The following DDX19A variants were observed in gnomAD, a reference collection of about 807,000 sequenced individuals.
DDX19A encodes ATP-dependent RNA helicase DDX19A.
A neutral mutation model predicts 60.6 loss-of-function variants in DDX19A; 12 were observed. The observed-to-expected ratio is 0.20, with a 90% CI of 0.13 to 0.32. The LOEUF is 0.32. DDX19A is among the 10% of genes least tolerant of loss of function. The pLI is 1.00. For synonymous variants in DDX19A, 206 were observed against 218.2 expected (o/e 0.94, Z 0.49); for missense variants, 337 against 600.6 (o/e 0.56, Z 4.59).
chr16:70,357,362 G>GTTTTTTTTTTTTTTTTTTTTTT (rs1248365917), intron 4 of DDX19A, among the ~76,000 whole-genome samples: 4 of 48,874 alleles, frequency 8.2e-5, no homozygotes, highest in South Asian at 7.7e-4. Context: ...TCTGTTTTTG[G>GTTTTTTTTTTTTTTTTTTTTTT]TTTGTTTTTT....
Position 70,373,277 on chromosome 16 carries a change from A to G in DDX19A, c.*1291A>G, listed in dbSNP as rs1567660481. On this transcript the variant is annotated 3_prime_UTR_variant, in exon 12 of 12. Coordinates refer to ENST00000302243, the MANE Select transcript of DDX19A (RefSeq NM_018332.5). ...ATAAATTGTAGCGTATGCACCATTC[A>G]TTATGCTAAGACATTTTAAAGTAAT... The G allele has an allele frequency of 6.6e-6, 1 of 152,150 alleles. No individual in the cohort carries two copies. Among genetic ancestry groups the G allele is most frequent in the Admixed American group, 6.6e-5 (1 of 15,258 alleles). 9.4% of individuals were successfully genotyped at this position (152,150 alleles called of 1,614,324 possible). A position where few individuals can be genotyped will look rare whatever the true frequency, so the allele number is the denominator to read the frequency against.
At chr16:70,367,845 C>T (rs1160654025) in intron 9 of DDX19A, among the ~76,000 whole-genome samples, 1 of 151,404 alleles carries the variant, frequency 6.6e-6, no homozygotes, top group Non-Finnish European at 1.5e-5. Flanking sequence ...CCCCTGCACT[C>T]CAGCCTGGGT....
chr16:70,371,303 AC>A (rs1285554601), intron 10 of DDX19A, 68 bp from the exon 11 acceptor site: 2 of 1,613,716 alleles, frequency 1.2e-6, no homozygotes, highest in African/African-American at 2.7e-5. Flanking sequence ...GCATTGACCT[AC>A]CTATGGATGA....
intron 4 of DDX19A, 140 bp from the exon 5 acceptor site, chr16:70,361,278 A>G (rs1183552925): frequency 1.2e-5 from 8 of 690,464 alleles, no homozygotes; most frequent in Non-Finnish European, 1.7e-5. Context: ...GGTTTTTGAC[A>G]GTGTTTTTTT....
At chr16:70,349,151 A>G (rs1963937800) in intron 1 of DDX19A, among the ~76,000 whole-genome samples, 1 of 152,212 alleles carries the variant, frequency 6.6e-6, no homozygotes, top group South Asian at 2.1e-4. Context: ...TAGTGGAGGA[A>G]AAAGGCTCAT....
chr16:70,372,010 C>T lies in DDX19A; in HGVS notation c.*24C>T. 6.2e-7 allele frequency: 1 copy of T among 1,614,004 alleles called. No individual in the cohort carries two copies. The highest frequency in any genetic ancestry group is 8.5e-7 in the Non-Finnish European group (1 of 1,179,858). The stretch of plus-strand genomic sequence containing the variant: ...GAGAAGCTCCACCAGCCACTGATGC[C>T]AGCCCTGGCACTGCCCCTGCACAGG... On this transcript the variant is annotated 3_prime_UTR_variant, in exon 12 of 12. Coordinates refer to ENST00000302243, the MANE Select transcript of DDX19A (RefSeq NM_018332.5).
At chr16:70,369,459 T>C (rs564627445) in intron 9 of DDX19A, among the ~76,000 whole-genome samples, 57 of 152,116 alleles carry the variant, frequency 3.7e-4, no homozygotes, top group African/African-American at 1.3e-3. Context: ...ATTACAGGCA[T>C]GAGCCACCGC....
chr16:70,346,930 G>A lies in DDX19A; in HGVS notation c.-62G>A, dbSNP rs746670593. ...ATTCTCGCGCCGGTGGCGAGGTTAG[G>A]GCCCGCGTTGCGACGTGGTGCAGCG... is the stretch of plus-strand genomic sequence containing the variant. On this transcript the variant is annotated 5_prime_UTR_variant, in exon 1 of 12. Transcript: ENST00000302243. The A allele has an allele frequency of 1.3e-6, 2 of 1,541,450 alleles. No individual in the cohort carries two copies. The highest frequency in any genetic ancestry group is 1.8e-6 in the Non-Finnish European group (2 of 1,132,224).
At chr16:70,349,499 C>T (rs1423811444) in intron 1 of DDX19A, among the ~76,000 whole-genome samples, 1 of 152,176 alleles carries the variant, frequency 6.6e-6, no homozygotes, top group East Asian at 1.9e-4. Flanking sequence ...CAGGTGACAG[C>T]CAAGGGCCAG....
At chr16:70,354,684 A>T (rs983082294) in intron 2 of DDX19A, among the ~76,000 whole-genome samples, 3 of 79,292 alleles carry the variant, frequency 3.8e-5, no homozygotes, top group South Asian at 6.7e-4. Context: ...AGTTCATGCC[A>T]GTAATCCTAG....
chr16:70,359,292 T>A (rs1293632661), intron 4 of DDX19A, among the ~76,000 whole-genome samples: 4 of 152,202 alleles, frequency 2.6e-5, no homozygotes, highest in African/African-American at 7.2e-5. Context: ...CTGCCGAGTG[T>A]CACAGCATTT....
rs1434925077 is a variant in DDX19A, at chr16:70,351,573, G to A, written c.106+968G>A. On this transcript the variant is annotated intron_variant, in intron 2 of 11. Coordinates refer to ENST00000302243, the MANE Select transcript of DDX19A (RefSeq NM_018332.5). The stretch of plus-strand genomic sequence containing the variant: ...ACAGTCTCACTCTGCCACGCAGGCC[G>A]GAGTGCAGTGGTGTGATCTCGGCTT... Among the ~76,000 whole-genome samples the A allele has an allele frequency of 7.3e-5, 11 of 151,458 alleles. No individual in the cohort carries two copies. The East Asian group carries it at 1.4e-3, about 19-fold the overall frequency.
At chr16:70,364,345 A>G (rs1964456474) in intron 5 of DDX19A, 198 bp from the exon 6 acceptor site, 1 of 568,466 alleles carries the variant, frequency 1.8e-6, no homozygotes, top group Admixed American at 3.1e-5. Flanking sequence ...ATTTAAAATA[A>G]TCATTTATTT....
At chr16:70,364,779 A>G in intron 6 of DDX19A, 134 bp downstream of exon 6, 1 of 728,936 alleles carries the variant, frequency 1.4e-6, no homozygotes. Flanking sequence ...TTCCTACACC[A>G]GGCCCTGACC....
Position 70,364,664 on chromosome 16 carries a change from G to T in DDX19A, c.489+19G>T, listed in dbSNP as rs757806137. 6.3e-7 allele frequency: 1 copy of T among 1,599,120 alleles called. No homozygotes were observed. The highest frequency in any genetic ancestry group is 1.1e-5 in the South Asian group (1 of 90,784). ...CCCCCAGGTGAGGGCTTGCGGGGCTGGGTGTCCTAGGTTGCCTGCCCTGGG... is the reference window on the plus strand; with the variant it reads ...CCCCCAGGTGAGGGCTTGCGGGGCTTGGTGTCCTAGGTTGCCTGCCCTGGG... On this transcript the variant is annotated intron_variant, in intron 6 of 11. Coordinates refer to ENST00000302243, the MANE Select transcript of DDX19A (RefSeq NM_018332.5).
chr16:70,350,797 GTC>G (rs1435323573), intron 2 of DDX19A, among the ~76,000 whole-genome samples, 192 bp downstream of exon 2: 1 of 151,542 alleles, frequency 6.6e-6, no homozygotes, highest in Non-Finnish European at 1.5e-5. Context: ...AAAATTAAGA[GTC>G]TCTCTATTGG....
At chr16:70,354,681 GC>G (rs1288999106) in intron 2 of DDX19A, among the ~76,000 whole-genome samples, 3 of 135,510 alleles carry the variant, frequency 2.2e-5, no homozygotes, top group South Asian at 4.4e-4. Flanking sequence ...AGTAGTTCAT[GC>G]CAGTAATCCT....
chr16:70,348,706 GAGAC>G lies in DDX19A; in HGVS notation c.57+1661_57+1664del, dbSNP rs539753836. 5.3e-5 allele frequency among the ~76,000 whole-genome samples: 8 copies of G among 150,772 alleles called. 1 individual carries two copies. Among genetic ancestry groups the G allele is most frequent in the Admixed American group, 2.7e-4 (4 of 15,030 alleles). On this transcript the variant is annotated intron_variant, in intron 1 of 11. Transcript: ENST00000302243. ...TGTAATCCTAGCACTTTGGGAAACT[GAGAC>G]AGGCAGATCAGTTGAACCCAGGAGT...
In DDX19A at chr16:70,370,398, C is replaced by T. The variant is rs747204962; in HGVS notation, c.1183+13C>T. ...GTGTGTGCCCGCGGTGAGCAGAGGACGTGTCCCACCTGGTCTGCCAGGCTC... is the reference window on the plus strand; with the variant it reads ...GTGTGTGCCCGCGGTGAGCAGAGGATGTGTCCCACCTGGTCTGCCAGGCTC... On this transcript the variant is annotated intron_variant, in intron 10 of 11. Coordinates refer to ENST00000302243, the MANE Select transcript of DDX19A (RefSeq NM_018332.5). 7 of 1,606,926 alleles carry T rather than the reference C, an allele frequency of 4.4e-6. No individual in the cohort carries two copies. The highest frequency in any genetic ancestry group is 2.2e-5 in the East Asian group (1 of 44,838).
Sources: gnomAD v4.1 joint callset for allele counts (sites outside exome capture counted in the v4.1 genomes callset) on GRCh38, gnomAD v4.1.1 for gene constraint, MANE v1.5 for transcripts, NCBI Gene and HGNC (gene_info 2026-07-23, HGNC 2026-07-21) for gene names.